DLC1: variants seen among roughly 807,000 people sequenced by gnomAD.
DLC1 encodes the protein rho GTPase-activating protein 7.
Under a neutral mutation model 140.3 loss-of-function variants are expected in DLC1, and 54 were observed. The ratio of observed to expected loss-of-function variants is 0.38; its 90% CI spans 0.31 to 0.48. DLC1 has a LOEUF of 0.48. DLC1 is among the 20% of genes least tolerant of loss of function. The pLI is 0.96. For missense variants in DLC1, 2,536 were observed against 1,907.0 expected (o/e 1.33, Z -6.14); for synonymous variants, 986 against 728.1 (o/e 1.35, Z -5.70).
At chr8:13,101,226 T>G (rs2128938370) in intron 8 of DLC1, among the ~76,000 whole-genome samples, 1 of 152,306 alleles carries the variant, frequency 6.6e-6, no homozygotes, top group African/African-American at 2.4e-5. Context: ...TTTTGTTCTT[T>G]AAATAACAAA....
intron 5 of DLC1, among the ~76,000 whole-genome samples, chr8:13,295,059 G>A (rs1329265731): frequency 1.3e-5 from 2 of 152,156 alleles, no homozygotes; most frequent in Non-Finnish European, 2.9e-5. Context: ...GAAGATGTCT[G>A]CCTTTTAGGA....
intron 2 of DLC1, among the ~76,000 whole-genome samples, chr8:13,472,629 C>A (rs1800259781): frequency 6.6e-6 from 1 of 152,142 alleles, no homozygotes; most frequent in Admixed American, 6.6e-5. Flanking sequence ...GAAGAACCAG[C>A]CTTGGGCCTC....
At chr8:13,595,713 T>G (rs1201202796) in intron 1 of DLC1, among the ~76,000 whole-genome samples, 1 of 152,052 alleles carries the variant, frequency 6.6e-6, no homozygotes, top group Non-Finnish European at 1.5e-5. Flanking sequence ...GATTACTAAT[T>G]GTGAAAATAT....
At chr8:13,472,598 T>C (rs1800258252) in intron 2 of DLC1, among the ~76,000 whole-genome samples, 1 of 152,186 alleles carries the variant, frequency 6.6e-6, no homozygotes, top group Admixed American at 6.5e-5. Flanking sequence ...CCTCATGCTC[T>C]GCTGGTTCAT....
At chr8:13,554,168 G>A (rs1435698810) in intron 1 of DLC1, among the ~76,000 whole-genome samples, 21 of 152,004 alleles carry the variant, frequency 1.4e-4, no homozygotes, top group African/African-American at 4.3e-4. Flanking sequence ...CTGAGTTCAC[G>A]CCATTCTCCT....
intron 5 of DLC1, among the ~76,000 whole-genome samples, chr8:13,292,596 T>G (rs1207480567): frequency 6.6e-6 from 1 of 152,114 alleles, no homozygotes; most frequent in African/African-American, 2.4e-5. Context: ...TCATTGCAGT[T>G]GGGGTGCAGC....
intron 4 of DLC1, among the ~76,000 whole-genome samples, chr8:13,355,909 C>A (rs144180987): frequency 6.7e-6 from 1 of 149,248 alleles, no homozygotes; most frequent in Non-Finnish European, 1.5e-5. Context: ...ATGGTGAAAC[C>A]CCGTCTCTAC....
chr8:13,132,543 G>C (rs940554531), intron 5 of DLC1, among the ~76,000 whole-genome samples: 1 of 152,116 alleles, frequency 6.6e-6, no homozygotes, highest in African/African-American at 2.4e-5. Flanking sequence ...AGATCAGTAC[G>C]AGCGCAGAGC....
At chr8:13,522,851 A>T (rs1487941629) in intron 1 of DLC1, among the ~76,000 whole-genome samples, 3 of 152,090 alleles carry the variant, frequency 2.0e-5, no homozygotes, top group Admixed American at 2.0e-4. Context: ...ACTTAAAAAA[A>T]GGTGAGAGAG....
At chr8:13,441,202 C>T (rs1046243477) in intron 2 of DLC1, among the ~76,000 whole-genome samples, 12 of 152,128 alleles carry the variant, frequency 7.9e-5, no homozygotes, top group East Asian at 1.9e-4. Context: ...ATTGATGGGA[C>T]GTATCTCAAA....
chr8:13,379,282 G>T (rs373906279), intron 4 of DLC1, among the ~76,000 whole-genome samples: 1 of 152,062 alleles, frequency 6.6e-6, no homozygotes, highest in Non-Finnish European at 1.5e-5. Flanking sequence ...TGATCTGACC[G>T]TTTGAGACCC....
intron 1 of DLC1, among the ~76,000 whole-genome samples, chr8:13,551,757 A>G (rs572960870): frequency 6.6e-6 from 1 of 151,456 alleles, no homozygotes; most frequent in African/African-American, 2.4e-5. Context: ...ATGTTTCTAT[A>G]TCAAACATAT....
At chr8:13,489,449 A>ACACACACACACACACAC (rs56002951) in intron 2 of DLC1, among the ~76,000 whole-genome samples, 47 of 149,902 alleles carry the variant, frequency 3.1e-4, no homozygotes, top group Non-Finnish European at 6.1e-4. Flanking sequence ...ACACACACAC[A>ACACACACACACACACAC]AAATGTTGCT....
intron 1 of DLC1, among the ~76,000 whole-genome samples, chr8:13,542,506 C>G (rs1480501020): frequency 6.6e-6 from 1 of 151,784 alleles, no homozygotes; most frequent in East Asian, 1.9e-4. Flanking sequence ...AATCTAGGTC[C>G]TTTGAATTTC....
intron 5 of DLC1, among the ~76,000 whole-genome samples, chr8:13,165,941 T>C (rs1474418058): frequency 1.3e-5 from 2 of 152,184 alleles, no homozygotes; most frequent in East Asian, 1.9e-4. Context: ...GGGTCACTGA[T>C]ATGATTCCTC....
chr8:13,154,104 G>A (rs1337113114), intron 5 of DLC1, among the ~76,000 whole-genome samples: 1 of 152,240 alleles, frequency 6.6e-6, no homozygotes, highest in Admixed American at 6.5e-5. Flanking sequence ...GGTGATTGGT[G>A]TGTTTACAAT....
At chr8:13,292,291 T>G (rs1203675804) in intron 5 of DLC1, among the ~76,000 whole-genome samples, 1 of 152,188 alleles carries the variant, frequency 6.6e-6, no homozygotes, top group Non-Finnish European at 1.5e-5. Context: ...CATGTGGGGA[T>G]GAGCGGTCAC....
In DLC1 at chr8:13,343,183, A is replaced by G. The variant is rs552307783; in HGVS notation, c.1315-37881T>C. Among the ~76,000 whole-genome samples, 5 of 152,252 alleles carry G rather than the reference A, an allele frequency of 3.3e-5. No homozygotes were observed. The South Asian group carries it at 1.0e-3, about 32-fold the overall frequency. ...AAGGTGAATTTATGATTCTTCAGTGATTTGATTTGTTTGAGTCAGAGATTG... is the reference window on the plus strand; with the variant it reads ...AAGGTGAATTTATGATTCTTCAGTGGTTTGATTTGTTTGAGTCAGAGATTG... On this transcript the variant is annotated intron_variant, in intron 4 of 17. Coordinates refer to ENST00000276297, the MANE Select transcript of DLC1 (RefSeq NM_182643.3).
intron 2 of DLC1, among the ~76,000 whole-genome samples, chr8:13,457,570 G>A (rs1410492900): frequency 1.3e-5 from 2 of 151,238 alleles, no homozygotes; most frequent in Non-Finnish European, 2.9e-5. Context: ...CGAGCTACTC[G>A]GGAGGCTGAG....
Sources: allele counts gnomAD v4.1 joint callset (sites outside exome capture counted in the v4.1 genomes callset), GRCh38; gene constraint gnomAD v4.1.1; transcripts MANE v1.5; gene names NCBI Gene and HGNC (gene_info 2026-07-23, HGNC 2026-07-21).